MAPK8IP3: variants seen among roughly 807,000 people sequenced by gnomAD.
MAPK8IP3 encodes the protein C-Jun-amino-terminal kinase-interacting protein 3.
A neutral mutation model predicts 157.8 loss-of-function variants in MAPK8IP3; 49 were observed. The observed-to-expected ratio is 0.31, with a 90% CI of 0.25 to 0.39. The LOEUF (loss-of-function observed/expected upper bound fraction) is 0.39, where lower values mean the gene tolerates loss of function less well. Among genes scored for constraint, MAPK8IP3 ranks in the 10% least tolerant of loss-of-function variants. The pLI, the probability that MAPK8IP3 is intolerant of heterozygous loss-of-function variation, is 1.00. For missense variants in MAPK8IP3, 1,478 were observed against 1,889.4 expected, an observed-to-expected ratio of 0.78 and a Z score of 4.04; for synonymous variants, 897 against 777.7, an observed-to-expected ratio of 1.15 and a Z score of -2.55.
In MAPK8IP3 at chr16:1,768,387, G is replaced by C; in HGVS notation, c.3742+9G>C. 1.3e-6 allele frequency: 2 copies of C among 1,598,842 alleles called. No individual in the cohort carries two copies. Among genetic ancestry groups the C allele is most frequent in the Non-Finnish European group, 1.7e-6 (2 of 1,178,890 alleles). ...CTTTGTCTCGGTGCCAGGTGAGGCT[G>C]GGCCCCTCCTGCCATCCACATCCCC... On this transcript the variant is annotated intron_variant, in intron 30 of 31. Coordinates refer to ENST00000610761, the MANE Select transcript of MAPK8IP3 (RefSeq NM_001318852.2).
chr16:1,763,044 G>A (rs149953487), intron 16 of MAPK8IP3, 38 bp downstream of exon 16: 2 of 1,608,926 alleles, frequency 1.2e-6, no homozygotes, highest in Non-Finnish European at 1.7e-6. Flanking sequence ...GCCTGCAATG[G>A]GGTTGGGGAG....
chr16:1,729,870 A>G (rs1376542737), intron 4 of MAPK8IP3, among the ~76,000 whole-genome samples: 2 of 152,094 alleles, frequency 1.3e-5, no homozygotes, highest in African/African-American at 2.4e-5. Flanking sequence ...AACCCTTACT[A>G]TCCACAGATT....
chr16:1,760,699 C>A (rs533529591), intron 12 of MAPK8IP3, among the ~76,000 whole-genome samples, 167 bp downstream of exon 12: 1 of 152,204 alleles, frequency 6.6e-6, no homozygotes, highest in Non-Finnish European at 1.5e-5. Flanking sequence ...AGAGTGGGGC[C>A]GTGGTCTCCT....
chr16:1,749,009 G>A, intron 8 of MAPK8IP3: 1 of 489,726 alleles, frequency 2.0e-6, no homozygotes. Flanking sequence ...TCTAGGTTAT[G>A]TTGTAGATGC....
Position 1,717,854 on chromosome 16 carries a change from T to C in MAPK8IP3, c.319-6703T>C, listed in dbSNP as rs1023775591. 6.1e-5 allele frequency among the ~76,000 whole-genome samples: 9 copies of C among 148,318 alleles called. 1 individual carries two copies. The highest frequency in any genetic ancestry group is 5.9e-4 in the Admixed American group (9 of 15,146). ...AGTCCCCACCACTGAAAATTCTTGG[T>C]TCTCTTTTTTTTTTTGAGATGGAGT... On this transcript the variant is annotated intron_variant, in intron 1 of 31. Transcript: ENST00000610761.
At chr16:1,718,468 G>A (rs917860332) in intron 1 of MAPK8IP3, among the ~76,000 whole-genome samples, 4 of 151,882 alleles carry the variant, frequency 2.6e-5, no homozygotes, top group African/African-American at 9.7e-5. Context: ...ACAGGCATGA[G>A]TCACCGCGCC....
chr16:1,733,223 G>A (rs887717831), intron 4 of MAPK8IP3, among the ~76,000 whole-genome samples: 1 of 152,132 alleles, frequency 6.6e-6, no homozygotes, highest in Non-Finnish European at 1.5e-5. Flanking sequence ...CTCTGAGGCT[G>A]TGTCGGAGGG....
In MAPK8IP3 at chr16:1,768,212, C is replaced by T. The variant is rs750069136; in HGVS notation, c.3576C>T (p.Ser1192=). ...QLLGLRANKT[S]PTSGEGARPG... is the part of the protein sequence containing the mutation. Reference sequence around the variant, plus strand: ...CTCTCCCTGCAGCCAATAAGACATCCCCCACCTCTGGGGAGGGCGCCCGTC... The same window carrying T: ...CTCTCCCTGCAGCCAATAAGACATCTCCCACCTCTGGGGAGGGCGCCCGTC... Residue 1192 remains serine, a synonymous_variant, in exon 30 of 32, where the codon TCC becomes TCT. Coordinates refer to ENST00000610761, the MANE Select transcript of MAPK8IP3 (RefSeq NM_001318852.2). 6.2e-7 allele frequency: 1 copy of T among 1,612,434 alleles called. No individual in the cohort carries two copies. Among genetic ancestry groups the T allele is most frequent in the Non-Finnish European group, 8.5e-7 (1 of 1,179,880 alleles).
chr16:1,737,211 TGAGA>T (rs543279048), intron 4 of MAPK8IP3, among the ~76,000 whole-genome samples: 2 of 94,422 alleles, frequency 2.1e-5, no homozygotes, highest in African/African-American at 4.4e-5. Context: ...TGACCATCCG[TGAGA>T]GTGTGACCAT....
chr16:1,767,081 T>A, intron 25 of MAPK8IP3, 68 bp from the exon 26 acceptor site: 1 of 1,592,918 alleles, frequency 6.3e-7, no homozygotes, highest in Non-Finnish European at 8.6e-7. Context: ...AGTGGGTGTC[T>A]CAACCCGATG....
At chr16:1,715,895 T>C (rs987097825) in intron 1 of MAPK8IP3, among the ~76,000 whole-genome samples, 4 of 151,946 alleles carry the variant, frequency 2.6e-5, no homozygotes, top group Non-Finnish European at 4.4e-5. Context: ...CCAGCTGATT[T>C]TTTGTATTTT....
chr16:1,767,675 GCA>G lies in MAPK8IP3; in HGVS notation c.3355_3356del (p.Thr1119AlafsTer10). The G allele has an allele frequency of 6.2e-7, 1 of 1,612,778 alleles. No individual in the cohort carries two copies. The highest frequency in any genetic ancestry group is 8.5e-7 in the Non-Finnish European group (1 of 1,179,964). On this transcript the variant is annotated frameshift_variant, in exon 27 of 32. Coordinates refer to ENST00000610761, the MANE Select transcript of MAPK8IP3 (RefSeq NM_001318852.2). LOFTEE classifies it high-confidence loss of function. ...GGACTCCACCCTGAGGCTCTACCAT[GCA>G]CACACGCACCAGCATCTACAGGACG... The part of the protein sequence containing the change: ...RLDSTLRLYH[A>X]HTHQHLQDVD...
At chr16:1,761,741 G>T (rs1219278683) in intron 13 of MAPK8IP3, among the ~76,000 whole-genome samples, 1 of 150,752 alleles carries the variant, frequency 6.6e-6, no homozygotes, top group Non-Finnish European at 1.5e-5. Context: ...ACATTCACAC[G>T]CCGGGTGACC....
At chr16:1,721,452 TAG>T (rs1339938563) in intron 1 of MAPK8IP3, among the ~76,000 whole-genome samples, 1 of 152,168 alleles carries the variant, frequency 6.6e-6, no homozygotes, top group Non-Finnish European at 1.5e-5. Context: ...CCTTTTTTTT[TAG>T]AGAGAGGATC....
chr16:1,714,196 G>T (rs1429717546), intron 1 of MAPK8IP3: 1 of 152,318 alleles, frequency 6.6e-6, no homozygotes, highest in African/African-American at 2.4e-5. Flanking sequence ...CTGCCTGCAG[G>T]GGAGCTGGGC....
At chr16:1,762,272 C>T in intron 13 of MAPK8IP3, 79 bp from the exon 14 acceptor site, 6 of 1,481,442 alleles carry the variant, frequency 4.1e-6, no homozygotes, top group Middle Eastern at 3.5e-4. Context: ...TCCACCTATA[C>T]GTGTAGGCAC....
At position 1,738,053 on chromosome 16, in the gene MAPK8IP3, TGTGA is replaced by T. The variant is rs564433019; in HGVS notation, c.603-5275_603-5272del. The stretch of plus-strand genomic sequence containing the variant: ...ATCCGTGTGAGCGTGTGACCGTCCG[TGTGA>T]GTGTGTGACCATCCGTGTGAGAGTG... On this transcript the variant is annotated intron_variant, in intron 4 of 31. Transcript: ENST00000610761. Among the ~76,000 whole-genome samples, 349 of 81,880 alleles carry T rather than the reference TGTGA, an allele frequency of 4.3e-3. 7 individuals are homozygous for T. Among genetic ancestry groups the T allele is most frequent in the Non-Finnish European group, 5.5e-3 (236 of 43,016 alleles). The allele number at this position is 81,880 out of a possible 152,430, so 53.7% of individuals were successfully genotyped here.
At position 1,706,267 on chromosome 16, in the gene MAPK8IP3, A is replaced by C; in HGVS notation, c.-73A>C. 1 of 1,367,392 alleles carries C rather than the reference A, an allele frequency of 7.3e-7. No homozygotes were observed. 84.7% of individuals were successfully genotyped at this position (1,367,392 alleles called of 1,614,324 possible). On this transcript the variant is annotated 5_prime_UTR_variant, in exon 1 of 32. Coordinates refer to ENST00000610761, the MANE Select transcript of MAPK8IP3 (RefSeq NM_001318852.2). This position sits in a 1 kb window ranked among gnomAD's most constrained non-coding sequence, Gnocchi z 5.1. Reference sequence around the variant, plus strand: ...GGAGGCGACGGGCTGCGGCCTGCGGAACCTGAGGCAGCTGGGGAGGGCCGG... The same window carrying C: ...GGAGGCGACGGGCTGCGGCCTGCGGCACCTGAGGCAGCTGGGGAGGGCCGG...
intron 4 of MAPK8IP3, among the ~76,000 whole-genome samples, chr16:1,738,983 CAT>C (rs2040363449): frequency 7.7e-6 from 1 of 129,242 alleles, no homozygotes; most frequent in African/African-American, 3.0e-5. Context: ...TCCGTGTGAG[CAT>C]GTGAGCATCC....
Sources: allele counts gnomAD v4.1 joint callset (sites outside exome capture counted in the v4.1 genomes callset), GRCh38; gene constraint gnomAD v4.1.1; non-coding constraint Gnocchi (gnomAD v3.1); transcripts MANE v1.5; gene names NCBI Gene and HGNC (gene_info 2026-07-23, HGNC 2026-07-21).